The following SMYD3 variants were observed in gnomAD, a reference collection of about 807,000 sequenced individuals.
SMYD3 encodes SET and MYND domain containing 3.
A neutral mutation model predicts 57.7 loss-of-function variants in SMYD3; 36 were observed. That is an observed-to-expected ratio of 0.62 (90% CI 0.48 to 0.82). The LOEUF (loss-of-function observed/expected upper bound fraction) is 0.82. Among genes scored for constraint, SMYD3 ranks in the 40% least tolerant of loss-of-function variants. SMYD3 has a pLI of 0.00. For missense variants in SMYD3, 515 were observed against 538.8 expected (o/e 0.96, Z 0.44); for synonymous variants, 211 against 195.0 (o/e 1.08, Z -0.68).
chr1:246,292,435 G>A (rs1171011941), intron 5 of SMYD3, among the ~76,000 whole-genome samples: 2 of 151,972 alleles, frequency 1.3e-5, no homozygotes, highest in East Asian at 3.9e-4. Context: ...CAGTACCTTA[G>A]ACTTACTATC....
rs529656565 is a variant in SMYD3 at position 246,444,333 on chromosome 1, C to A, written c.164+62721G>T. On this transcript the variant is annotated intron_variant, in intron 1 of 11. Coordinates refer to ENST00000490107, the MANE Select transcript of SMYD3 (RefSeq NM_001167740.2). ...TAGAGACGGGGTTTCACCATGTTGG[C>A]CAGACTGGTCTCAAACTCCTGACCT... Among the ~76,000 whole-genome samples the A allele has an allele frequency of 3.3e-5, 5 of 152,206 alleles. 1 individual carries two copies. The South Asian group carries it at 1.0e-3, about 32-fold the overall frequency.
chr1:246,479,816 G>C (rs557240143), intron 1 of SMYD3, among the ~76,000 whole-genome samples: 3 of 152,090 alleles, frequency 2.0e-5, no homozygotes, highest in Non-Finnish European at 4.4e-5. Flanking sequence ...CCCAGAGCAG[G>C]GATTTTTGTC....
chr1:246,472,693 A>G (rs1452978934), intron 1 of SMYD3, among the ~76,000 whole-genome samples: 2 of 152,036 alleles, frequency 1.3e-5, no homozygotes, highest in Non-Finnish European at 2.9e-5. Context: ...ACCCCGAGCC[A>G]TGATCACACT....
chr1:246,010,625 A>G (rs531243449), intron 5 of SMYD3, among the ~76,000 whole-genome samples: 3 of 152,346 alleles, frequency 2.0e-5, no homozygotes, highest in African/African-American at 7.2e-5. Context: ...GAGAAAGTCC[A>G]AATAGGAAAG....
chr1:246,152,519 G>A (rs1329844276), intron 5 of SMYD3, among the ~76,000 whole-genome samples: 1 of 152,178 alleles, frequency 6.6e-6, no homozygotes, highest in East Asian at 1.9e-4. Flanking sequence ...GGAAGGCAAG[G>A]GAACCAATAT....
chr1:246,327,574 C>T (rs965577621), intron 4 of SMYD3, among the ~76,000 whole-genome samples: 2 of 152,136 alleles, frequency 1.3e-5, no homozygotes, highest in African/African-American at 4.8e-5. Context: ...AACATAAGTA[C>T]GCACATATAT....
chr1:246,369,110 G>A (rs1237914945), intron 1 of SMYD3, among the ~76,000 whole-genome samples: 1 of 152,008 alleles, frequency 6.6e-6, no homozygotes, highest in African/African-American at 2.4e-5. Context: ...AACATTACAT[G>A]GGCCCTGAGA....
chr1:245,753,023 C>G (rs1192552432), intron 11 of SMYD3, among the ~76,000 whole-genome samples: 1 of 152,160 alleles, frequency 6.6e-6, no homozygotes, highest in Non-Finnish European at 1.5e-5. Flanking sequence ...TGCAGAGATA[C>G]CCTGAGGGGA....
At chr1:246,259,425 T>C (rs1039555370) in intron 5 of SMYD3, among the ~76,000 whole-genome samples, 1 of 152,218 alleles carries the variant, frequency 6.6e-6, no homozygotes, top group African/African-American at 2.4e-5. Context: ...TTTTTCCTTC[T>C]CTTTCCCTTT....
At chr1:246,438,576 T>TCC (rs1303610105) in intron 1 of SMYD3, among the ~76,000 whole-genome samples, 7 of 152,082 alleles carry the variant, frequency 4.6e-5, no homozygotes, top group African/African-American at 1.7e-4. Context: ...GATGCTCAAG[T>TCC]CCCTTCTATA....
At chr1:245,962,896 G>C (rs1240609005) in intron 5 of SMYD3, among the ~76,000 whole-genome samples, 2 of 152,196 alleles carry the variant, frequency 1.3e-5, no homozygotes, top group African/African-American at 2.4e-5. Flanking sequence ...CTGTAAAACA[G>C]TCAAGGGGAG....
rs550081565 is a variant in SMYD3, at chr1:245,817,305, A to C, written c.1076+41191T>G. On this transcript the variant is annotated intron_variant, in intron 10 of 11. Coordinates refer to ENST00000490107, the MANE Select transcript of SMYD3 (RefSeq NM_001167740.2). The stretch of plus-strand genomic sequence containing the variant: ...GGGGCACACTGACACCTCACATGGC[A>C]GGGTATTCCAACAGCCCTGCAGCTG... 4.0e-4 allele frequency among the ~76,000 whole-genome samples: 57 copies of C among 143,554 alleles called. 2 individuals carry two copies. Among genetic ancestry groups the C allele is most frequent in the Middle Eastern group, 3.6e-3 (1 of 276 alleles). 94.2% of individuals were successfully genotyped at this position (143,554 alleles called of 152,430 possible). A position where few individuals can be genotyped will look rare whatever the true frequency, so the allele number is the denominator to read the frequency against.
At chr1:246,248,758 C>T (rs1262759704) in intron 5 of SMYD3, among the ~76,000 whole-genome samples, 5 of 148,774 alleles carry the variant, frequency 3.4e-5, no homozygotes, top group Non-Finnish European at 5.9e-5. Context: ...TGTCCTGCCT[C>T]AGCCTCCCGA....
At chr1:246,253,532 A>C (rs2063829171) in intron 5 of SMYD3, among the ~76,000 whole-genome samples, 1 of 152,252 alleles carries the variant, frequency 6.6e-6, no homozygotes, top group African/African-American at 2.4e-5. Flanking sequence ...CTAGGCACCT[A>C]GGATGATACC....
chr1:246,262,373 C>G (rs2064028407), intron 5 of SMYD3, among the ~76,000 whole-genome samples: 2 of 152,186 alleles, frequency 1.3e-5, no homozygotes, highest in African/African-American at 4.8e-5. Flanking sequence ...CGCACTATGA[C>G]TAACAATTAT....
chr1:246,137,622 A>C (rs1294947814), intron 5 of SMYD3, among the ~76,000 whole-genome samples: 6 of 152,218 alleles, frequency 3.9e-5, no homozygotes, highest in African/African-American at 1.4e-4. Flanking sequence ...GGCCAGATCA[A>C]AAGACGGTAA....
rs149874975 is a variant in SMYD3 at position 245,783,436 on chromosome 1, T to C, written c.1077-19287A>G. 4.2e-3 allele frequency among the ~76,000 whole-genome samples: 634 copies of C among 152,264 alleles called. 3 individuals carry two copies. The highest frequency in any genetic ancestry group is 0.015 in the African/African-American group (612 of 41,556). Reference sequence around the variant, plus strand: ...TAAGCCAAGGGCAACTTGTGTACCATTTCCACCAGCAAACATTAATGCTGA... The same window carrying C: ...TAAGCCAAGGGCAACTTGTGTACCACTTCCACCAGCAAACATTAATGCTGA... On this transcript the variant is annotated intron_variant, in intron 10 of 11. Transcript: ENST00000490107.
At chr1:246,345,734 C>G (rs932149127) in intron 2 of SMYD3, among the ~76,000 whole-genome samples, 4 of 152,178 alleles carry the variant, frequency 2.6e-5, no homozygotes, top group African/African-American at 7.2e-5. Flanking sequence ...TAGCAAAAAG[C>G]TCAATCCTGA....
rs1354606286 is a variant in SMYD3, at chr1:246,255,987, T to TACAC, written c.531+71210_531+71213dup. On this transcript the variant is annotated intron_variant, in intron 5 of 11. Transcript: ENST00000490107. The stretch of plus-strand genomic sequence containing the variant: ...ATAGATAGATAGATAGATAGATAGA[T>TACAC]ACACACACACATACATACATACATA... Among the ~76,000 whole-genome samples the TACAC allele has an allele frequency of 5.2e-4, 72 of 138,660 alleles. 1 individual carries two copies. Among genetic ancestry groups the TACAC allele is most frequent in the Non-Finnish European group, 8.5e-4 (55 of 64,984 alleles). 91.0% of individuals were successfully genotyped at this position (138,660 alleles called of 152,430 possible).
Sources: gnomAD v4.1 joint callset for allele counts (sites outside exome capture counted in the v4.1 genomes callset) on GRCh38, gnomAD v4.1.1 for gene constraint, MANE v1.5 for transcripts, NCBI Gene and HGNC (gene_info 2026-07-23, HGNC 2026-07-21) for gene names.